SPATA17: variants seen among roughly 807,000 people sequenced by gnomAD.
SPATA17 encodes the protein spermatogenesis associated 17, also known as spermatogenesis-associated protein 17.
A neutral mutation model predicts 62.2 loss-of-function variants in SPATA17; 53 were observed. That is an observed-to-expected ratio of 0.85 (90% CI 0.68 to 1.07). The LOEUF is 1.07. Ranked by LOEUF, SPATA17 falls within the 50% of genes least tolerant of loss-of-function variation. The pLI, the probability that SPATA17 is intolerant of heterozygous loss-of-function variation, is 0.00. For missense variants in SPATA17, 466 were observed against 425.5 expected (o/e 1.10, Z -0.84); for synonymous variants, 146 against 146.8 (o/e 0.99, Z 0.04).
intron 4 of SPATA17, among the ~76,000 whole-genome samples, chr1:217,678,020 T>C (rs1306264093): frequency 1.3e-5 from 2 of 152,092 alleles, no homozygotes; most frequent in Non-Finnish European, 2.9e-5. Flanking sequence ...TCTTTGAAGA[T>C]TTAGTAAACC....
chr1:217,778,777 A>G (rs1482856129), intron 7 of SPATA17, among the ~76,000 whole-genome samples: 1 of 152,196 alleles, frequency 6.6e-6, no homozygotes, highest in Non-Finnish European at 1.5e-5. Flanking sequence ...TAGGTGTTTT[A>G]TAATGTTATT....
chr1:217,821,283 C>T (rs949449326), intron 9 of SPATA17, among the ~76,000 whole-genome samples: 1 of 151,884 alleles, frequency 6.6e-6, no homozygotes, highest in Non-Finnish European at 1.5e-5. Flanking sequence ...AAAAGAGGAG[C>T]GCTAGGAGAA....
intron 9 of SPATA17, among the ~76,000 whole-genome samples, chr1:217,852,538 T>C (rs1675690300): frequency 6.6e-6 from 1 of 152,188 alleles, no homozygotes; most frequent in Admixed American, 6.5e-5. Context: ...CAGAACTCTT[T>C]CCACATGCAA....
intron 5 of SPATA17, among the ~76,000 whole-genome samples, chr1:217,703,334 G>A (rs575458764): frequency 1.3e-5 from 2 of 152,000 alleles, no homozygotes; most frequent in South Asian, 4.2e-4. Flanking sequence ...ACCATGCCCG[G>A]CTAGCTTTTG....
chr1:217,743,026 G>A (rs988377610), intron 6 of SPATA17, among the ~76,000 whole-genome samples: 7 of 73,386 alleles, frequency 9.5e-5, no homozygotes, highest in Non-Finnish European at 1.8e-4. Flanking sequence ...TCTCTAGCCT[G>A]TGCTTGGTAG....
chr1:217,807,928 G>C (rs1674478481), intron 9 of SPATA17, among the ~76,000 whole-genome samples: 1 of 152,036 alleles, frequency 6.6e-6, no homozygotes. Context: ...TGAAAAGTCA[G>C]ATTAACAAGA....
At position 217,718,341 on chromosome 1, in the gene SPATA17, G is replaced by A. The variant is rs1413399173; in HGVS notation, c.396-23634G>A. Among the ~76,000 whole-genome samples the A allele has an allele frequency of 2.0e-5, 3 of 151,952 alleles. 1 individual carries two copies. Among genetic ancestry groups the A allele is most frequent in the Non-Finnish European group, 4.4e-5 (3 of 67,994 alleles). ...AAAAATCCAAGTCATGGCAACCAAAGGTAAGAACTCTGATTAACTTCCACC... is the reference window on the plus strand; with the variant it reads ...AAAAATCCAAGTCATGGCAACCAAAAGTAAGAACTCTGATTAACTTCCACC... On this transcript the variant is annotated intron_variant, in intron 5 of 10. Coordinates refer to ENST00000366933, the MANE Select transcript of SPATA17 (RefSeq NM_138796.4).
intron 5 of SPATA17, among the ~76,000 whole-genome samples, chr1:217,701,100 G>A (rs796111939): frequency 2.0e-5 from 3 of 150,848 alleles, no homozygotes; most frequent in East Asian, 2.0e-4. Context: ...TTAGCCTGCC[G>A]AGTAGCTGGG....
intron 5 of SPATA17, among the ~76,000 whole-genome samples, chr1:217,704,192 G>C (rs899142353): frequency 7.4e-6 from 1 of 134,342 alleles, no homozygotes; most frequent in Non-Finnish European, 1.6e-5. Context: ...CACCCAACGG[G>C]TAGGTTTTTT....
At chr1:217,738,887 G>T (rs1672569532) in intron 5 of SPATA17, among the ~76,000 whole-genome samples, 1 of 152,224 alleles carries the variant, frequency 6.6e-6, no homozygotes, top group South Asian at 2.1e-4. Flanking sequence ...AGGAGGCAGA[G>T]GTTGCAGTGA....
chr1:217,658,601 A>C lies in SPATA17; in HGVS notation c.240+7423A>C, dbSNP rs1335741937. On this transcript the variant is annotated intron_variant, in intron 3 of 10. Transcript: ENST00000366933. ...GTGATAGCCCGTCTCTACTAAGAAC[A>C]CAAAAAATTAGCAGGGCGTGGTGGC... Among the ~76,000 whole-genome samples, 4 of 152,084 alleles carry C rather than the reference A, an allele frequency of 2.6e-5. No individual in the cohort carries two copies. In the South Asian group the frequency reaches 6.2e-4, roughly 24 times the overall value.
At chr1:217,829,370 G>A (rs898658780) in intron 9 of SPATA17, among the ~76,000 whole-genome samples, 4 of 151,978 alleles carry the variant, frequency 2.6e-5, no homozygotes, top group Admixed American at 2.6e-4. Context: ...GTTCACGCCT[G>A]TAATCCCAGT....
intron 9 of SPATA17, among the ~76,000 whole-genome samples, chr1:217,818,254 C>A (rs1336578559): frequency 6.6e-6 from 1 of 151,722 alleles, no homozygotes; most frequent in Non-Finnish European, 1.5e-5. Context: ...ATTCAGTTAC[C>A]ATCCTTGGAC....
intron 2 of SPATA17, 30 bp from the exon 3 acceptor site, chr1:217,651,067 A>G (rs1466940141): frequency 6.7e-7 from 1 of 1,496,368 alleles, no homozygotes; most frequent in East Asian, 2.3e-5. Context: ...CAATGAAAGG[A>G]TACTAATAAG....
intron 5 of SPATA17, among the ~76,000 whole-genome samples, chr1:217,716,948 G>T (rs73095339): frequency 6.6e-6 from 1 of 152,150 alleles, no homozygotes; most frequent in Non-Finnish European, 1.5e-5. Context: ...AAAATTCAGG[G>T]TTTAAGTAAA....
chr1:217,668,225 T>C (rs749918360), intron 3 of SPATA17, among the ~76,000 whole-genome samples: 73 of 152,200 alleles, frequency 4.8e-4, no homozygotes, highest in Non-Finnish European at 1.0e-3. Flanking sequence ...TATTGTACTG[T>C]CATGAATTAT....
intron 6 of SPATA17, among the ~76,000 whole-genome samples, chr1:217,761,479 T>C (rs376176681): frequency 5.3e-5 from 8 of 152,266 alleles, no homozygotes; most frequent in Admixed American, 6.5e-5. Context: ...CATATACATA[T>C]ATATATCTCT....
chr1:217,670,719 G>A (rs541314950), intron 4 of SPATA17, among the ~76,000 whole-genome samples: 3 of 152,260 alleles, frequency 2.0e-5, no homozygotes, highest in Admixed American at 6.5e-5. Flanking sequence ...GAGAGGCCAC[G>A]GAGGGTGGAT....
At chr1:217,675,820 G>C (rs1440564389) in intron 4 of SPATA17, among the ~76,000 whole-genome samples, 2 of 152,146 alleles carry the variant, frequency 1.3e-5, no homozygotes, top group South Asian at 2.1e-4. Context: ...GCTAGTAAAT[G>C]AAAGTGTTAG....
Sources: allele counts gnomAD v4.1 joint callset (sites outside exome capture counted in the v4.1 genomes callset), GRCh38; gene constraint gnomAD v4.1.1; transcripts MANE v1.5; gene names NCBI Gene and HGNC (gene_info 2026-07-23, HGNC 2026-07-21).